The following AGBL1 variants were observed in gnomAD, a reference collection of about 807,000 sequenced individuals.
AGBL1 encodes the protein cytosolic carboxypeptidase 4.
In AGBL1, 130 loss-of-function variants were observed where a neutral mutation model predicts 118.9. The ratio of observed to expected loss-of-function variants is 1.09; its 90% CI spans 0.95 to 1.26. The LOEUF is 1.26. Among genes scored for constraint, AGBL1 ranks in the 50% most tolerant of loss-of-function variants. AGBL1 has a pLI of 0.00. For synonymous variants in AGBL1, 555 were observed against 478.9 expected, an observed-to-expected ratio of 1.16 and a Z score of -2.08; for missense variants, 1,584 against 1,298.1, an observed-to-expected ratio of 1.22 and a Z score of -3.38.
chr15:86,932,821 C>T (rs1488230448), intron 23 of AGBL1: 1 of 152,040 alleles, frequency 6.6e-6, no homozygotes, highest in Non-Finnish European at 1.5e-5. Context: ...TGAATCTGGA[C>T]TGATTTTCTT....
chr15:86,610,124 G>A (rs533450725), intron 21 of AGBL1, among the ~76,000 whole-genome samples: 10 of 152,194 alleles, frequency 6.6e-5, no homozygotes, highest in South Asian at 2.1e-4. Flanking sequence ...TTTGACTACC[G>A]GTTTAAAAAG....
At chr15:86,186,334 C>G (rs2077632865) in intron 5 of AGBL1, among the ~76,000 whole-genome samples, 1 of 152,138 alleles carries the variant, frequency 6.6e-6, no homozygotes, top group South Asian at 2.1e-4. Context: ...TGTAACAAAC[C>G]TGCATATCTT....
chr15:86,920,391 T>C (rs80243567), downstream of AGBL1, among the ~76,000 whole-genome samples: 337 of 152,304 alleles, frequency 2.2e-3, no homozygotes, highest in African/African-American at 7.5e-3. Context: ...AACTCTCTTC[T>C]TTTAATAGGC....
intron 22 of AGBL1, among the ~76,000 whole-genome samples, chr15:86,777,688 T>C (rs1207255475): frequency 6.6e-6 from 1 of 152,182 alleles, no homozygotes; most frequent in Non-Finnish European, 1.5e-5. Flanking sequence ...ACATGTTTTT[T>C]ACATGGAAAA....
chr15:86,515,835 A>G (rs2083114131), intron 18 of AGBL1, among the ~76,000 whole-genome samples: 1 of 152,208 alleles, frequency 6.6e-6, no homozygotes, highest in South Asian at 2.1e-4. Flanking sequence ...TTGTTTTGGC[A>G]GTGTTAAGGA....
chr15:86,616,361 A>G (rs1486682133), intron 21 of AGBL1, among the ~76,000 whole-genome samples: 1 of 151,776 alleles, frequency 6.6e-6, no homozygotes, highest in African/African-American at 2.4e-5. Context: ...AAAAAAAAAA[A>G]AAAAAAAAAA....
chr15:86,164,461 GT>G (rs2077309512), intron 5 of AGBL1, among the ~76,000 whole-genome samples: 1 of 152,300 alleles, frequency 6.6e-6, no homozygotes, highest in East Asian at 1.9e-4. Flanking sequence ...AGGAAAGCTT[GT>G]GATTACTCCA....
intron 22 of AGBL1, among the ~76,000 whole-genome samples, chr15:86,731,406 T>C (rs1256654815): frequency 6.6e-6 from 1 of 152,172 alleles, no homozygotes; most frequent in African/African-American, 2.4e-5. Context: ...ATAGAAAATG[T>C]CACCAGGGAT....
intron 18 of AGBL1, among the ~76,000 whole-genome samples, chr15:86,456,626 C>G (rs553362216): frequency 6.6e-6 from 1 of 152,204 alleles, no homozygotes; most frequent in South Asian, 2.1e-4. Context: ...CAATAGTCCC[C>G]AAGGAGAATA....
rs567700594 is a variant in AGBL1, at chr15:86,288,629, T to C, written c.2221-6626T>C. Among the ~76,000 whole-genome samples, 7 of 152,276 alleles carry C rather than the reference T, an allele frequency of 4.6e-5. No individual in the cohort carries two copies. In the East Asian group the frequency reaches 1.2e-3, roughly 25 times the overall value. On this transcript the variant is annotated intron_variant, in intron 16 of 22. Transcript: ENST00000614907. ...AATAATCTAATGAGTTTTTAATAGC[T>C]CTATGTATGATCAATTATTGCTACA...
chr15:86,116,419 G>GTAGCTGGT (rs1417043135), intron 1 of AGBL1, among the ~76,000 whole-genome samples: 2 of 152,316 alleles, frequency 1.3e-5, no homozygotes, highest in East Asian at 3.9e-4. Flanking sequence ...GGATGCCCAG[G>GTAGCTGGT]TAGCTGGTAA....
intron 16 of AGBL1, among the ~76,000 whole-genome samples, chr15:86,293,989 G>C (rs1374781116): frequency 2.0e-5 from 3 of 152,054 alleles, no homozygotes; most frequent in African/African-American, 7.2e-5. Flanking sequence ...TCCCTCTCTG[G>C]TTACTGAAAT....
chr15:86,806,900 A>G (rs1344877947), intron 22 of AGBL1, among the ~76,000 whole-genome samples: 1 of 151,958 alleles, frequency 6.6e-6, no homozygotes, highest in Non-Finnish European at 1.5e-5. Flanking sequence ...GTGATATACC[A>G]CGTATCATAC....
chr15:86,822,588 GGGT>G (rs1358877210), intron 22 of AGBL1, among the ~76,000 whole-genome samples: 1 of 152,106 alleles, frequency 6.6e-6, no homozygotes, highest in African/African-American at 2.4e-5. Context: ...TTGTGGAGTT[GGGT>G]GGTGTTCTGT....
chr15:86,865,381 A>C (rs554561907), intron 22 of AGBL1, among the ~76,000 whole-genome samples: 4 of 152,212 alleles, frequency 2.6e-5, no homozygotes, highest in Non-Finnish European at 4.4e-5. Context: ...CAAGTTTGCA[A>C]ATGAAACTGT....
chr15:86,171,899 A>G (rs1301722751), intron 5 of AGBL1, among the ~76,000 whole-genome samples: 4 of 152,236 alleles, frequency 2.6e-5, no homozygotes, highest in African/African-American at 4.8e-5. Context: ...AACAACCTAG[A>G]TGAAATTGGT....
chr15:86,995,289 G>A (rs1334120130), intron 24 of AGBL1, among the ~76,000 whole-genome samples: 6 of 152,240 alleles, frequency 3.9e-5, no homozygotes, highest in Non-Finnish European at 7.4e-5. Context: ...AGGAGGCTGA[G>A]GTGGAAGGAT....
Position 86,528,380 on chromosome 15 carries a change from G to A in AGBL1, c.2685+5441G>A, listed in dbSNP as rs567134170. ...CTGGAAAATCAGGTCACTCCCACCC[G>A]AATATTGCGCTTTTCAGACCTGCTT... On this transcript the variant is annotated intron_variant, in intron 19 of 22. Coordinates refer to ENST00000614907, the MANE Select transcript of AGBL1 (RefSeq NM_001386094.1). 1.2e-4 allele frequency among the ~76,000 whole-genome samples: 19 copies of A among 152,308 alleles called. 1 individual carries two copies. Among genetic ancestry groups the A allele is most frequent in the Admixed American group, 3.3e-4 (5 of 15,310 alleles).
At chr15:86,832,190 A>G (rs1817123) in intron 22 of AGBL1, among the ~76,000 whole-genome samples, 141,176 of 152,282 alleles carry the variant, frequency 0.93, 65,544 homozygotes, top group East Asian at 1. Context: ...TGTGATGGAA[A>G]GGGCTGCTGT....
Sources: allele counts gnomAD v4.1 joint callset (sites outside exome capture counted in the v4.1 genomes callset), GRCh38; gene constraint gnomAD v4.1.1; transcripts MANE v1.5; gene names NCBI Gene and HGNC (gene_info 2026-07-23, HGNC 2026-07-21).